GRIN2B: variants seen among roughly 807,000 people sequenced by gnomAD.
The protein encoded by GRIN2B is glutamate ionotropic receptor NMDA type subunit 2B.
In GRIN2B, 5 loss-of-function variants were observed where a neutral mutation model predicts 114.5. The observed-to-expected ratio is 0.04, with a 90% CI of 0.02 to 0.09. The LOEUF is 0.09. Ranked by LOEUF, GRIN2B falls within the 10% of genes least tolerant of loss-of-function variation. The pLI is 1.00. For synonymous variants in GRIN2B, 787 were observed against 745.1 expected, an observed-to-expected ratio of 1.06 and a Z score of -0.92; for missense variants, 1,108 against 1,943.5, an observed-to-expected ratio of 0.57 and a Z score of 8.08.
chr12:13,956,911 T>C (rs759253426), intron 2 of GRIN2B, among the ~76,000 whole-genome samples: 6 of 152,204 alleles, frequency 3.9e-5, no homozygotes, highest in Non-Finnish European at 8.8e-5. Flanking sequence ...AGGAAAGTTC[T>C]TTTTCGTCCT....
intron 3 of GRIN2B, among the ~76,000 whole-genome samples, chr12:13,754,834 C>T (rs576423930): frequency 1.5e-4 from 23 of 151,884 alleles, no homozygotes; most frequent in East Asian, 5.8e-4. Flanking sequence ...CAATTTTGAG[C>T]GTCTTCTGAT....
intron 5 of GRIN2B, among the ~76,000 whole-genome samples, chr12:13,658,032 C>T (rs959306872): frequency 6.6e-6 from 1 of 151,940 alleles, no homozygotes; most frequent in Non-Finnish European, 1.5e-5. Context: ...ATGGAGACAC[C>T]CTGTCTCTAC....
intron 4 of GRIN2B, among the ~76,000 whole-genome samples, chr12:13,717,387 T>C (rs1489360672): frequency 2.0e-5 from 3 of 152,068 alleles, no homozygotes; most frequent in Non-Finnish European, 2.9e-5. Flanking sequence ...CCAGCCCCGC[T>C]TGGAATACTA....
chr12:13,574,891 A>G (rs1217603389), intron 10 of GRIN2B, among the ~76,000 whole-genome samples: 2 of 152,256 alleles, frequency 1.3e-5, no homozygotes, highest in Non-Finnish European at 2.9e-5. Context: ...CAGTCAGATC[A>G]TTGGAACAGG....
intron 4 of GRIN2B, among the ~76,000 whole-genome samples, chr12:13,713,875 T>G (rs1950434612): frequency 6.6e-6 from 1 of 151,828 alleles, no homozygotes; most frequent in South Asian, 2.1e-4. Flanking sequence ...TGCAGAGTGT[T>G]TAAGATGCTC....
In GRIN2B at chr12:13,913,504, C is replaced by T. The variant is rs117172760; in HGVS notation, c.-18-47278G>A. 7.3e-4 allele frequency among the ~76,000 whole-genome samples: 111 copies of T among 152,326 alleles called. 1 individual carries two copies. The East Asian group carries it at 0.018, about 24-fold the overall frequency. ...ACTGCTGGCGCTGCTGTCTGTGAGG[C>T]ACTGAGTGAGTCACTTCATCCCTCT... On this transcript the variant is annotated intron_variant, in intron 2 of 13. Coordinates refer to ENST00000609686, the MANE Select transcript of GRIN2B (RefSeq NM_000834.5).
intron 2 of GRIN2B, among the ~76,000 whole-genome samples, chr12:13,927,791 CA>C (rs1166630195): frequency 2.0e-5 from 3 of 147,444 alleles, no homozygotes; most frequent in South Asian, 2.2e-4. Context: ...CCCATCTCTA[CA>C]AAAAAAATAA....
Position 13,860,683 on chromosome 12 carries a change from T to A in GRIN2B, c.411+5115A>T, listed in dbSNP as rs111357667. ...GCAATAGACTCCACAGTAAGAATAT[T>A]TTTGCATGTCATCTAAGGAAGAATA... On this transcript the variant is annotated intron_variant, in intron 3 of 13. Transcript: ENST00000609686. 6.0e-3 allele frequency among the ~76,000 whole-genome samples: 915 copies of A among 152,224 alleles called. 7 individuals carry two copies. Among genetic ancestry groups the A allele is most frequent in the African/African-American group, 0.021 (867 of 41,536 alleles).
intron 3 of GRIN2B, among the ~76,000 whole-genome samples, chr12:13,783,671 T>C (rs972603082): frequency 1.3e-5 from 2 of 152,180 alleles, no homozygotes; most frequent in African/African-American, 4.8e-5. Flanking sequence ...CTCTGGGCTC[T>C]TCAACGGGAT....
intron 4 of GRIN2B, among the ~76,000 whole-genome samples, chr12:13,716,043 T>C (rs1950452496): frequency 1.3e-5 from 2 of 151,884 alleles, no homozygotes; most frequent in Non-Finnish European, 2.9e-5. Context: ...AGCCACACAA[T>C]CCTTTCTGCA....
Position 13,553,122 on chromosome 12 carries a change from A to G in GRIN2B, c.*9661T>C, listed in dbSNP as rs867797481. The G allele has an allele frequency of 6.6e-6, 1 of 152,216 alleles. No individual in the cohort carries two copies. The highest frequency in any genetic ancestry group is 2.4e-5 in the African/African-American group (1 of 41,448). The allele number at this position is 152,216 out of a possible 1,614,324, so 9.4% of individuals were successfully genotyped here. On this transcript the variant is annotated 3_prime_UTR_variant, in exon 14 of 14. Coordinates refer to ENST00000609686, the MANE Select transcript of GRIN2B (RefSeq NM_000834.5). Reference sequence around the variant, plus strand: ...AAGTGAAAGGACAGTACGAGCTCCAAGAGTTTCTTCAGAGGGACAGAGACT... The same window carrying G: ...AAGTGAAAGGACAGTACGAGCTCCAGGAGTTTCTTCAGAGGGACAGAGACT...
chr12:13,885,159 C>T (rs998068897), intron 2 of GRIN2B, among the ~76,000 whole-genome samples: 4 of 152,028 alleles, frequency 2.6e-5, no homozygotes, highest in African/African-American at 7.2e-5. Context: ...AAAAGTGTTC[C>T]CTACACCAAA....
intron 3 of GRIN2B, among the ~76,000 whole-genome samples, chr12:13,842,014 T>C (rs2136715855): frequency 6.6e-6 from 1 of 152,258 alleles, no homozygotes; most frequent in East Asian, 1.9e-4. Context: ...ACCTCTCCTC[T>C]AAGCAACTGG....
chr12:13,722,902 C>T (rs1354454383), intron 4 of GRIN2B, among the ~76,000 whole-genome samples: 2 of 152,150 alleles, frequency 1.3e-5, no homozygotes, highest in South Asian at 4.1e-4. Context: ...CGTCTCACCA[C>T]ACCTGCTCTT....
chr12:13,935,030 A>G (rs1041099110), intron 2 of GRIN2B, among the ~76,000 whole-genome samples: 3 of 152,162 alleles, frequency 2.0e-5, no homozygotes, highest in South Asian at 2.1e-4. Context: ...CTCTAAAAGA[A>G]GACCCAAGTT....
intron 2 of GRIN2B, among the ~76,000 whole-genome samples, chr12:13,907,036 T>C (rs1565582366): frequency 2.0e-5 from 3 of 152,192 alleles, no homozygotes; most frequent in Admixed American, 1.3e-4. Context: ...GATATGGACA[T>C]GAAGCTTTGT....
At chr12:13,620,319 T>C (rs1156988146) in intron 5 of GRIN2B, among the ~76,000 whole-genome samples, 1 of 152,220 alleles carries the variant, frequency 6.6e-6, no homozygotes, top group Non-Finnish European at 1.5e-5. Context: ...CTGCTCACTG[T>C]AGCCGGATGA....
In GRIN2B at chr12:13,556,098, G is replaced by C. The variant is rs949940775; in HGVS notation, c.*6685C>G. On this transcript the variant is annotated 3_prime_UTR_variant, in exon 14 of 14. Coordinates refer to ENST00000609686, the MANE Select transcript of GRIN2B (RefSeq NM_000834.5). ...CCAGAACAACAGAGGGGTCTTGAAG[G>C]AAGGAAGATATAGAAAAGGCAAGGT... 2 of 152,220 alleles carry C rather than the reference G, an allele frequency of 1.3e-5. No homozygotes were observed. The highest frequency in any genetic ancestry group is 2.9e-5 in the Non-Finnish European group (2 of 68,048). 9.4% of individuals were successfully genotyped at this position (152,220 alleles called of 1,614,324 possible).
intron 2 of GRIN2B, among the ~76,000 whole-genome samples, chr12:13,973,685 A>G (rs545948075): frequency 4.6e-5 from 7 of 152,338 alleles, no homozygotes; most frequent in South Asian, 4.1e-4. Context: ...ACTCACCCAC[A>G]TATCTTCAGA....
Sources: gnomAD v4.1 joint callset for allele counts (sites outside exome capture counted in the v4.1 genomes callset) on GRCh38, gnomAD v4.1.1 for gene constraint, MANE v1.5 for transcripts, NCBI Gene and HGNC (gene_info 2026-07-23, HGNC 2026-07-21) for gene names.